FHOD3: variants seen among roughly 807,000 people sequenced by gnomAD.
FHOD3 encodes formin homology 2 domain containing 3.
A neutral mutation model predicts 173.0 loss-of-function variants in FHOD3; 90 were observed. The observed-to-expected ratio is 0.52, with a 90% CI of 0.44 to 0.62. The LOEUF (loss-of-function observed/expected upper bound fraction) is 0.62. Among genes scored for constraint, FHOD3 ranks in the 20% least tolerant of loss-of-function variants. FHOD3 has a pLI of 0.00. For missense variants in FHOD3, 1,945 were observed against 2,034.7 expected, an observed-to-expected ratio of 0.96 and a Z score of 0.85; for synonymous variants, 828 against 823.0, an observed-to-expected ratio of 1.01 and a Z score of -0.10.
chr18:36,382,262 G>A (rs2047828786), intron 3 of FHOD3, among the ~76,000 whole-genome samples: 1 of 152,196 alleles, frequency 6.6e-6, no homozygotes, highest in African/African-American at 2.4e-5. Context: ...GAAGAGGTGG[G>A]TTCTTCATTA....
intron 3 of FHOD3, among the ~76,000 whole-genome samples, chr18:36,388,939 A>G (rs1054586483): frequency 1.3e-5 from 2 of 152,230 alleles, no homozygotes; most frequent in African/African-American, 4.8e-5. Context: ...GGCTCTCTCC[A>G]GCTTTGGGAA....
rs186429979 is a variant in FHOD3, at chr18:36,703,025, A to G, written c.2237-6070A>G. Among the ~76,000 whole-genome samples, 172 of 152,278 alleles carry G rather than the reference A, an allele frequency of 1.1e-3. 1 individual carries two copies. Among genetic ancestry groups the G allele is most frequent in the Admixed American group, 1.2e-3 (18 of 15,300 alleles). On this transcript the variant is annotated intron_variant, in intron 17 of 28. Coordinates refer to ENST00000590592, the MANE Select transcript of FHOD3 (RefSeq NM_001281740.3). ...TGTTGGTCAGAGGGTTGCTGAATATATTCAGTGAAGGGACTGTTTACAGAG... is the reference window on the plus strand; with the variant it reads ...TGTTGGTCAGAGGGTTGCTGAATATGTTCAGTGAAGGGACTGTTTACAGAG...
chr18:36,346,831 T>TC (rs2045899519), intron 1 of FHOD3, among the ~76,000 whole-genome samples: 1 of 152,178 alleles, frequency 6.6e-6, no homozygotes, highest in South Asian at 2.1e-4. Context: ...GCAGTGAGGC[T>TC]CCCCCTCCAT....
chr18:36,493,216 T>TC (rs1188988728), intron 3 of FHOD3, among the ~76,000 whole-genome samples: 5 of 143,560 alleles, frequency 3.5e-5, no homozygotes, highest in South Asian at 2.1e-4. Context: ...TCTTTTTCTT[T>TC]TTTTTTTTTT....
rs1367026851 is a variant in FHOD3 at position 36,426,965 on chromosome 18, A to G, written c.337+54221A>G. ...ACACAACCAGGGAGTGGTACTGTTA[A>G]GATTTGAATGCAGGGCTGTCTTCAC... On this transcript the variant is annotated intron_variant, in intron 3 of 28. Transcript: ENST00000590592. Among the ~76,000 whole-genome samples, 3 of 152,238 alleles carry G rather than the reference A, an allele frequency of 2.0e-5. No homozygotes were observed. In the East Asian group the frequency reaches 5.8e-4, roughly 29 times the overall value.
Position 36,681,492 on chromosome 18 carries a change from C to T in FHOD3, c.1892C>T (p.Ala631Val), listed in dbSNP as rs765465359. ...SSFRQHQESL[A>V]AERERRRQER... ...TTCAGGCAGCACCAAGAGTCACTGG[C>T]AGCAGAGAGAGAGAGGCGGCGGCAG... Residue 631 changes from alanine (A) to valine (V), a missense_variant, in exon 15 of 29, where the codon GCA becomes GTA. Around this residue, in one of 5 missense-constraint regions of FHOD3, gnomAD observed 1,099 missense variants for 1,051.2 expected, o/e 1.05. Transcript: ENST00000590592. The T allele has an allele frequency of 3.7e-6, 6 of 1,613,748 alleles. No individual in the cohort carries two copies. The African/African-American group carries it at 5.3e-5, about 14-fold the overall frequency.
intron 9 of FHOD3, 35 bp downstream of exon 9, chr18:36,612,130 G>C: frequency 6.3e-7 from 1 of 1,595,840 alleles, no homozygotes; most frequent in South Asian, 1.1e-5. Flanking sequence ...GTATCGTACA[G>C]CTTTGGCAAT....
At chr18:36,700,054 T>C (rs1306783687) in intron 17 of FHOD3, among the ~76,000 whole-genome samples, 1 of 152,216 alleles carries the variant, frequency 6.6e-6, no homozygotes, top group East Asian at 1.9e-4. Context: ...TCTCATTGTT[T>C]GGTTGCAATC....
At chr18:36,450,800 AAAAC>A (rs1487148577) in intron 3 of FHOD3, among the ~76,000 whole-genome samples, 2 of 152,198 alleles carry the variant, frequency 1.3e-5, no homozygotes, top group African/African-American at 4.8e-5. Flanking sequence ...CTTTTAAAAC[AAAAC>A]AAACAAACAA....
intron 1 of FHOD3, among the ~76,000 whole-genome samples, chr18:36,339,858 T>G (rs1243339480): frequency 6.6e-6 from 1 of 152,224 alleles, no homozygotes; most frequent in Non-Finnish European, 1.5e-5. Flanking sequence ...ATGATTTTTT[T>G]CCTGCTTTTT....
chr18:36,733,619 A>G (rs1357635213), intron 20 of FHOD3, among the ~76,000 whole-genome samples: 1 of 152,208 alleles, frequency 6.6e-6, no homozygotes, highest in Non-Finnish European at 1.5e-5. Context: ...CAGATTCTAG[A>G]ATGAACCAAA....
At chr18:36,475,169 C>G (rs1461866834) in intron 3 of FHOD3, among the ~76,000 whole-genome samples, 1 of 152,104 alleles carries the variant, frequency 6.6e-6, no homozygotes, top group Non-Finnish European at 1.5e-5. Flanking sequence ...GTGTTACTGC[C>G]TACCCCAGAA....
intron 9 of FHOD3, among the ~76,000 whole-genome samples, chr18:36,619,807 C>T (rs1038821340): frequency 1.3e-5 from 2 of 152,062 alleles, no homozygotes; most frequent in African/African-American, 2.4e-5. Flanking sequence ...AGAAAAGAGA[C>T]GGTATGAGGT....
intron 16 of FHOD3, among the ~76,000 whole-genome samples, chr18:36,690,701 C>G (rs142620612): frequency 7.0e-4 from 106 of 151,456 alleles, no homozygotes; most frequent in African/African-American, 2.5e-3. Context: ...GTTTAGTGCT[C>G]TTGACCTCCA....
intron 13 of FHOD3, among the ~76,000 whole-genome samples, chr18:36,655,494 A>T (rs1321043086): frequency 6.6e-6 from 1 of 152,198 alleles, no homozygotes; most frequent in African/African-American, 2.4e-5. Flanking sequence ...TGGGGGAAAA[A>T]AAAAGCTGCT....
In FHOD3 at chr18:36,622,806, C is replaced by T. The variant is rs55907120; in HGVS notation, c.958-2705C>T. Among the ~76,000 whole-genome samples, 799 of 152,274 alleles carry T rather than the reference C, an allele frequency of 5.2e-3. 10 individuals carry two copies. Among genetic ancestry groups the T allele is most frequent in the African/African-American group, 0.018 (760 of 41,542 alleles). ...TCTAAGCTGTAGTGCTCACTAGAGC[C>T]GAAAGCATTTGGAAATGCCACCGTA... On this transcript the variant is annotated intron_variant, in intron 9 of 28. Coordinates refer to ENST00000590592, the MANE Select transcript of FHOD3 (RefSeq NM_001281740.3).
At chr18:36,779,115 C>T in intron 28 of FHOD3, 3 of 343,704 alleles carry the variant, frequency 8.7e-6, no homozygotes, top group Non-Finnish European at 1.6e-5. Flanking sequence ...GCCCTCTGCA[C>T]TTCTGCAGTT....
intron 5 of FHOD3, among the ~76,000 whole-genome samples, chr18:36,570,249 A>C (rs373231493): frequency 6.6e-6 from 1 of 152,054 alleles, no homozygotes; most frequent in Non-Finnish European, 1.5e-5. Flanking sequence ...ACTATGAACA[A>C]CTCTCAGCAC....
intron 28 of FHOD3, chr18:36,779,241 C>G: frequency 1.7e-6 from 1 of 573,698 alleles, no homozygotes; most frequent in Non-Finnish European, 3.1e-6. Context: ...ATTGTTAGGC[C>G]AGCCTGTGTA....
Sources: gnomAD v4.1 joint callset for allele counts (sites outside exome capture counted in the v4.1 genomes callset) on GRCh38, gnomAD v4.1.1 for gene constraint, gnomAD v4.1.1 regional missense constraint, MANE v1.5 for transcripts, NCBI Gene and HGNC (gene_info 2026-07-23, HGNC 2026-07-21) for gene names.